TBC1D5: variants seen among roughly 807,000 people sequenced by gnomAD.
TBC1D5 encodes TBC1 domain family member 5, also known as TBC1 domain family, member 5.
Under a neutral mutation model 100.3 loss-of-function variants are expected in TBC1D5, and 75 were observed. The ratio of observed to expected loss-of-function variants is 0.75; its 90% CI spans 0.62 to 0.91. TBC1D5 has a LOEUF of 0.91. Ranked by LOEUF, TBC1D5 falls within the 40% of genes least tolerant of loss-of-function variation. The probability of loss-of-function intolerance (pLI) is 0.00; values close to 1 mark genes in which losing one functional copy is unlikely to be tolerated. For synonymous variants in TBC1D5, 323 were observed against 325.6 expected, an observed-to-expected ratio of 0.99 and a Z score of 0.09; for missense variants, 910 against 942.4, an observed-to-expected ratio of 0.97 and a Z score of 0.45.
chr3:17,532,402 T>C (rs1207261796), intron 2 of TBC1D5, among the ~76,000 whole-genome samples: 13 of 152,168 alleles, frequency 8.5e-5, no homozygotes, highest in Admixed American at 7.9e-4. Context: ...TGTAAACTAG[T>C]TCAACCATTG....
intron 13 of TBC1D5, among the ~76,000 whole-genome samples, chr3:17,357,859 G>A (rs1321008068): frequency 1.3e-5 from 2 of 152,026 alleles, no homozygotes; most frequent in African/African-American, 4.8e-5. Flanking sequence ...TGAAAGAACA[G>A]GTATAGAAAA....
intron 17 of TBC1D5, among the ~76,000 whole-genome samples, chr3:17,226,310 CTTTT>C (rs11311989): frequency 6.5e-5 from 9 of 137,800 alleles, no homozygotes; most frequent in Non-Finnish European, 9.4e-5. Flanking sequence ...CTCTACATAC[CTTTT>C]TTTTTTTTTT....
At chr3:17,161,000 T>C (rs1490275960) in exon 22 of TBC1D5, 9 of 1,613,906 alleles carry the variant, frequency 5.6e-6, no homozygotes, top group Non-Finnish European at 7.6e-6. Flanking sequence ...GAAGCCAGAG[T>C]CCTTGCTGCT....
chr3:17,229,395 G>A (rs2075219383), intron 17 of TBC1D5, among the ~76,000 whole-genome samples: 2 of 152,186 alleles, frequency 1.3e-5, no homozygotes, highest in South Asian at 4.1e-4. Context: ...CCCTGGAATA[G>A]ACATTCTCTA....
chr3:17,444,657 T>C (rs1433321065), intron 3 of TBC1D5, among the ~76,000 whole-genome samples: 1 of 152,060 alleles, frequency 6.6e-6, no homozygotes, highest in Non-Finnish European at 1.5e-5. Flanking sequence ...TAGAAATTGA[T>C]AAAAATTACA....
intron 8 of TBC1D5, among the ~76,000 whole-genome samples, chr3:17,385,004 A>C (rs530690007): frequency 3.5e-4 from 53 of 152,236 alleles, no homozygotes; most frequent in Non-Finnish European, 1.6e-4. Flanking sequence ...TTAAGAGTGC[A>C]TTATAATAAA....
At chr3:17,308,121 G>A in exon 14 of TBC1D5, 12 of 1,585,468 alleles carry the variant, frequency 7.6e-6, no homozygotes, top group Non-Finnish European at 1.0e-5. Flanking sequence ...CCAAATAGCA[G>A]CCGCACCCAC....
At chr3:17,741,037 C>T (rs1402436620), upstream of TBC1D5, 1 of 150,632 alleles carries the variant, frequency 6.6e-6, no homozygotes, top group African/African-American at 2.5e-5. Context: ...GCCACCTCTA[C>T]ACCCGGGGGT....
At chr3:17,599,356 GA>G (rs543697042) in intron 2 of TBC1D5, among the ~76,000 whole-genome samples, 21 of 152,148 alleles carry the variant, frequency 1.4e-4, no homozygotes, top group Non-Finnish European at 2.5e-4. Flanking sequence ...GAGGAGGAGA[GA>G]AGAGAATAAG....
chr3:17,723,017 A>G (rs573948153), intron 1 of TBC1D5, among the ~76,000 whole-genome samples: 2 of 152,332 alleles, frequency 1.3e-5, no homozygotes, highest in South Asian at 4.1e-4. Context: ...AATATTAAGA[A>G]TTACATTATT....
chr3:17,317,362 G>A (rs1318756495), intron 13 of TBC1D5, among the ~76,000 whole-genome samples: 2 of 152,160 alleles, frequency 1.3e-5, no homozygotes, highest in African/African-American at 4.8e-5. Context: ...GACAGGGAGG[G>A]AAACAGGAAA....
chr3:17,614,646 G>A (rs1203792054), intron 2 of TBC1D5, among the ~76,000 whole-genome samples: 2 of 152,144 alleles, frequency 1.3e-5, no homozygotes, highest in African/African-American at 4.8e-5. Context: ...TCCCTTGGTA[G>A]CGATTGTGAA....
intron 21 of TBC1D5, among the ~76,000 whole-genome samples, chr3:17,164,814 C>A (rs762523920): frequency 3.3e-5 from 5 of 152,230 alleles, no homozygotes; most frequent in Admixed American, 2.6e-4. Flanking sequence ...TTCTTTCTGA[C>A]TTGCTTGCTT....
intron 19 of TBC1D5, among the ~76,000 whole-genome samples, chr3:17,172,760 T>C (rs2067293734): frequency 6.6e-6 from 1 of 152,234 alleles, no homozygotes; most frequent in Non-Finnish European, 1.5e-5. Flanking sequence ...ACAAACCACT[T>C]TTTCAATTTC....
intron 2 of TBC1D5, among the ~76,000 whole-genome samples, chr3:17,521,736 T>C (rs1220299121): frequency 4.6e-5 from 7 of 152,176 alleles, no homozygotes; most frequent in Admixed American, 4.6e-4. Flanking sequence ...ACTCTTTCAT[T>C]CATGAATTAA....
intron 1 of TBC1D5, among the ~76,000 whole-genome samples, chr3:17,697,109 A>G (rs1425599059): frequency 1.3e-5 from 2 of 152,218 alleles, no homozygotes; most frequent in Non-Finnish European, 2.9e-5. Flanking sequence ...ATATCACAAA[A>G]TACTAAGAGC....
At chr3:17,738,986 T>A (rs979688993) in intron 1 of TBC1D5, among the ~76,000 whole-genome samples, 2 of 152,206 alleles carry the variant, frequency 1.3e-5, no homozygotes, top group African/African-American at 2.4e-5. Flanking sequence ...AGATTTGTTG[T>A]TACACTGACA....
rs75176047 is a variant in TBC1D5 at position 17,176,975 on chromosome 3, G to C, written c.1852+8134C>G. On this transcript the variant is annotated intron_variant, in intron 19 of 21. Transcript: ENST00000253692. The stretch of plus-strand genomic sequence containing the variant: ...TGCTACAACGCCAAGGCAGCCACTG[G>C]GGGCCACTGTGGTCACCCTTCAATA... Among the ~76,000 whole-genome samples the C allele has an allele frequency of 1.2e-3, 190 of 152,256 alleles. 1 individual carries two copies. Among genetic ancestry groups the C allele is most frequent in the African/African-American group, 4.2e-3 (174 of 41,548 alleles).
intron 13 of TBC1D5, among the ~76,000 whole-genome samples, chr3:17,335,652 C>T (rs1057000388): frequency 2.6e-5 from 4 of 152,122 alleles, no homozygotes; most frequent in African/African-American, 9.7e-5. Flanking sequence ...TTCCTCCCTT[C>T]TAAAGTTAAG....
Sources: gnomAD v4.1 joint callset for allele counts (sites outside exome capture counted in the v4.1 genomes callset) on GRCh38, gnomAD v4.1.1 for gene constraint, MANE v1.5 for transcripts, NCBI Gene and HGNC (gene_info 2026-07-23, HGNC 2026-07-21) for gene names.